Variants in AFF1 observed in about 807,000 individuals in gnomAD.
AFF1 encodes the protein AF4/FMR2 family member 1.
Under a neutral mutation model 121.7 loss-of-function variants are expected in AFF1, and 48 were observed. The ratio of observed to expected loss-of-function variants is 0.39; its 90% confidence interval spans 0.31 to 0.50. The LOEUF is 0.50. Ranked by LOEUF, AFF1 falls within the 20% of genes least tolerant of loss-of-function variation. AFF1 has a pLI of 0.76. For missense variants in AFF1, 1,523 were observed against 1,511.7 expected, an observed-to-expected ratio of 1.01 and a Z score of -0.12; for synonymous variants, 613 against 563.0, an observed-to-expected ratio of 1.09 and a Z score of -1.26.
At chr4:86,995,937 T>G (rs1469366215) in intron 2 of AFF1, among the ~76,000 whole-genome samples, 4 of 138,792 alleles carry the variant, frequency 2.9e-5, no homozygotes, top group African/African-American at 5.5e-5. Flanking sequence ...CCGTCCGGGA[T>G]GTGAGGAGCG....
chr4:86,989,948 T>C (rs1427133486), intron 2 of AFF1, among the ~76,000 whole-genome samples: 1 of 152,200 alleles, frequency 6.6e-6, no homozygotes, highest in Admixed American at 6.5e-5. Flanking sequence ...ACACCACATG[T>C]TCTCACTCAT....
intron 12 of AFF1, among the ~76,000 whole-genome samples, chr4:87,123,579 C>T (rs1355685385): frequency 6.6e-6 from 1 of 152,208 alleles, no homozygotes; most frequent in Admixed American, 6.5e-5. Context: ...CAAGACACTG[C>T]ATAAATGAAT....
chr4:86,976,436 C>T (rs1338270413), intron 2 of AFF1, among the ~76,000 whole-genome samples: 4 of 152,010 alleles, frequency 2.6e-5, no homozygotes, highest in South Asian at 2.1e-4. Context: ...ATATCACGCA[C>T]CCATGAAAAA....
chr4:87,131,773 AC>A lies in AFF1; in HGVS notation c.3102-19del. ...TCTGCCTTTGTTTAAAACCTGATGT[AC>A]TTTTATATTTTCCTATAGATTCATA... is the stretch of plus-strand genomic sequence containing the variant. On this transcript the variant is annotated intron_variant, in intron 17 of 20. Coordinates refer to ENST00000395146, the MANE Select transcript of AFF1 (RefSeq NM_001166693.3). 1.3e-6 allele frequency: 2 copies of A among 1,562,940 alleles called. No homozygotes were observed. The highest frequency in any genetic ancestry group is 1.7e-6 in the Non-Finnish European group (2 of 1,143,930).
At chr4:87,135,128 C>T (rs908026034) in intron 20 of AFF1, among the ~76,000 whole-genome samples, 9 of 152,092 alleles carry the variant, frequency 5.9e-5, no homozygotes, top group Admixed American at 1.3e-4. Context: ...AGCTATGGTA[C>T]GAGAGATACA....
At chr4:87,108,357 A>G (rs768731170) in intron 11 of AFF1, 42 bp downstream of exon 11, 2 of 1,597,688 alleles carry the variant, frequency 1.3e-6, no homozygotes, top group South Asian at 1.1e-5. Flanking sequence ...AGATGGCAGC[A>G]TTCTGTCCTT....
intron 1 of AFF1, among the ~76,000 whole-genome samples, chr4:86,944,772 A>C (rs1437873045): frequency 1.3e-5 from 2 of 152,248 alleles, no homozygotes; most frequent in African/African-American, 4.8e-5. Flanking sequence ...ATTTGAAAAC[A>C]TCTTGAGTCA....
In AFF1 at chr4:87,127,049, T is replaced by A; in HGVS notation, c.2835T>A (p.Asn945Lys). 1 of 1,613,896 alleles carries A rather than the reference T, an allele frequency of 6.2e-7. No homozygotes were observed. The highest frequency in any genetic ancestry group is 8.5e-7 in the Non-Finnish European group (1 of 1,179,936). Residue 945 changes from asparagine to lysine, a missense_variant, in exon 15 of 21, where the codon AAT becomes AAA. Physicochemically the swap from Asn to Lys is moderately conservative, Grantham distance 94. This residue lies in a region of AFF1 where 905 missense variants were observed against 842.5 expected (regional missense o/e 1.07). Coordinates refer to ENST00000395146, the MANE Select transcript of AFF1 (RefSeq NM_001166693.3). ...AGGGTTCTTCCGGAGATACTGCAAA[T>A]CCTTTTCCAGTGCCTTCTTTGCCAA... ...EHKGSSGDTA[N>K]PFPVPSLPNG...
chr4:86,954,189 A>G (rs1248141258), intron 2 of AFF1, among the ~76,000 whole-genome samples: 2 of 152,178 alleles, frequency 1.3e-5, no homozygotes, highest in East Asian at 3.8e-4. Flanking sequence ...ATCATATAGC[A>G]TATACTCCTT....
At chr4:87,032,601 TTC>T (rs1729184411) in intron 2 of AFF1, among the ~76,000 whole-genome samples, 1 of 152,172 alleles carries the variant, frequency 6.6e-6, no homozygotes, top group South Asian at 2.1e-4. Context: ...TAGAAAAAAC[TTC>T]TCAGTTGTAG....
intron 11 of AFF1, among the ~76,000 whole-genome samples, chr4:87,110,487 T>C (rs1726376184): frequency 7.1e-6 from 1 of 140,516 alleles, no homozygotes; most frequent in Non-Finnish European, 1.6e-5. Context: ...TTTTGTTTTG[T>C]TGGTACCGAT....
chr4:87,003,920 C>T (rs1725906546), intron 2 of AFF1, among the ~76,000 whole-genome samples: 1 of 152,108 alleles, frequency 6.6e-6, no homozygotes, highest in African/African-American at 2.4e-5. Context: ...CAATTATGGT[C>T]CTTAGAATGA....
chr4:87,135,441 A>G (rs1269816040), intron 20 of AFF1, 139 bp from the exon 21 acceptor site: 6 of 882,412 alleles, frequency 6.8e-6, no homozygotes, highest in Non-Finnish European at 9.7e-6. Context: ...ATTACAGTAG[A>G]TTGTGATTTT....
intron 2 of AFF1, among the ~76,000 whole-genome samples, chr4:86,999,391 C>G (rs1332780707): frequency 6.6e-6 from 1 of 152,132 alleles, no homozygotes; most frequent in Non-Finnish European, 1.5e-5. Flanking sequence ...TATGGAGAAA[C>G]CACCCCTTAC....
At chr4:86,989,709 A>C (rs1724550507) in intron 2 of AFF1, among the ~76,000 whole-genome samples, 1 of 152,252 alleles carries the variant, frequency 6.6e-6, no homozygotes, top group East Asian at 1.9e-4. Flanking sequence ...TCATTCTGCT[A>C]TAAAGACACA....
Position 87,094,942 on chromosome 4 carries a change from A to C in AFF1, c.1256A>C (p.His419Pro). ...CAATATGATACATCTTCAAAAACTC[A>C]CTCAAATTCTCAGCAAGGAACGTCA... Reference protein sequence around the residue: ...QKQYDTSSKTHSNSQQGTSSM... With the variant: ...QKQYDTSSKTPSNSQQGTSSM... The change falls in exon 8 of 21, where the codon CAC (histidine) becomes CCC (proline). Residue 419 changes from histidine to proline, a missense_variant. Coordinates refer to ENST00000395146, the MANE Select transcript of AFF1 (RefSeq NM_001166693.3). 1 of 1,613,968 alleles carries C rather than the reference A, an allele frequency of 6.2e-7. No individual in the cohort carries two copies. The highest frequency in any genetic ancestry group is 1.6e-4 in the Middle Eastern group (1 of 6,062).
In AFF1 at chr4:86,966,292, G is replaced by A. The variant is rs1722536630; in HGVS notation, c.38+17721G>A. 3.3e-5 allele frequency among the ~76,000 whole-genome samples: 5 copies of A among 152,230 alleles called. No homozygotes were observed. In the South Asian group the frequency reaches 1.0e-3, roughly 32 times the overall value. The stretch of plus-strand genomic sequence containing the variant: ...GTGCTGTCAATCCTTCCTCTTCTCT[G>A]ATTTCTGAGACACAATCTGGCTCCT... On this transcript the variant is annotated intron_variant, in intron 2 of 20. Coordinates refer to ENST00000395146, the MANE Select transcript of AFF1 (RefSeq NM_001166693.3).
intron 1 of AFF1, among the ~76,000 whole-genome samples, chr4:86,940,647 G>A (rs753545964): frequency 2.6e-5 from 4 of 151,950 alleles, no homozygotes; most frequent in East Asian, 3.9e-4. Flanking sequence ...TGATCCACCC[G>A]CCTCAGCCTC....
intron 4 of AFF1, among the ~76,000 whole-genome samples, chr4:87,075,756 G>C (rs17012375): frequency 6.6e-6 from 1 of 152,096 alleles, no homozygotes; most frequent in Non-Finnish European, 1.5e-5. Flanking sequence ...GAAGACTTCT[G>C]CATCTTAAAA....
Sources: allele counts gnomAD v4.1 joint callset (sites outside exome capture counted in the v4.1 genomes callset), GRCh38; gene constraint gnomAD v4.1.1; regional missense constraint gnomAD v4.1.1; transcripts MANE v1.5; gene names NCBI Gene and HGNC (gene_info 2026-07-23, HGNC 2026-07-21).